HTR1E: variants seen among roughly 807,000 people sequenced by gnomAD.
HTR1E encodes the protein 5-HT-1E.
A neutral mutation model predicts 3.4 loss-of-function variants in HTR1E; 3 were observed. The observed-to-expected ratio is 0.89, with a 90% CI of 0.41 to 2.31. The LOEUF (loss-of-function observed/expected upper bound fraction) is 2.31. Among genes scored for constraint, HTR1E ranks in the 30% most tolerant of loss-of-function variants. HTR1E has a pLI of 0.05. For missense variants in HTR1E, 392 were observed against 467.0 expected, an observed-to-expected ratio of 0.84 and a Z score of 1.48; for synonymous variants, 170 against 182.8, an observed-to-expected ratio of 0.93 and a Z score of 0.56.
chr6:87,016,169 C>A lies in HTR1E; in HGVS notation c.835C>A (p.Gln279Lys). The change falls in exon 2 of 2, where the codon CAG becomes AAG. Residue 279 changes from glutamine (Q) to lysine (K), a missense_variant. Physicochemically the swap from Gln to Lys is moderately conservative, Grantham distance 53. Around this residue, in one of 3 missense-constraint regions of HTR1E, gnomAD observed 178 missense variants for 164.9 expected, o/e 1.08. Coordinates refer to ENST00000305344, the MANE Select transcript of HTR1E (RefSeq NM_000865.3). ...TGATCTAGATCACCCAGGAGAACGTCAGCAGATCTCTAGCACCAGGGAACG... is the reference window on the plus strand; with the variant it reads ...TGATCTAGATCACCCAGGAGAACGTAAGCAGATCTCTAGCACCAGGGAACG... ...DNDLDHPGER[Q>K]QISSTRERKA... 1 of 1,614,204 alleles carries A rather than the reference C, an allele frequency of 6.2e-7. No homozygotes were observed. Among genetic ancestry groups the A allele is most frequent in the South Asian group, 1.1e-5 (1 of 91,080 alleles).
At chr6:86,991,307 G>C (rs1767867331) in intron 1 of HTR1E, among the ~76,000 whole-genome samples, 1 of 152,042 alleles carries the variant, frequency 6.6e-6, no homozygotes, top group Admixed American at 6.6e-5. Context: ...AAAATCTGAA[G>C]TTTAGTTAAT....
chr6:86,967,617 G>A (rs150494436), intron 1 of HTR1E, among the ~76,000 whole-genome samples: 10 of 152,186 alleles, frequency 6.6e-5, no homozygotes, highest in Admixed American at 2.0e-4. Context: ...TTAAATATGC[G>A]AAAGAGAGGA....
At chr6:86,954,825 G>C (rs1767298835) in intron 1 of HTR1E, among the ~76,000 whole-genome samples, 1 of 152,146 alleles carries the variant, frequency 6.6e-6, no homozygotes, top group Admixed American at 6.5e-5. Flanking sequence ...TAGAAAGCTT[G>C]AAAGCAATAT....
chr6:86,963,359 T>C (rs571660303), intron 1 of HTR1E, among the ~76,000 whole-genome samples: 1 of 152,332 alleles, frequency 6.6e-6, no homozygotes, highest in African/African-American at 2.4e-5. Context: ...ATGTTGGTGT[T>C]TTTTTATCAA....
At chr6:86,971,045 A>C (rs960907839) in intron 1 of HTR1E, 5 of 509,268 alleles carry the variant, frequency 9.8e-6, no homozygotes, top group Non-Finnish European at 1.9e-5. Flanking sequence ...GTTGGAAAAC[A>C]CTTCAAAGAA....
chr6:86,997,062 A>G (rs1333856593), intron 1 of HTR1E, among the ~76,000 whole-genome samples: 1 of 152,022 alleles, frequency 6.6e-6, no homozygotes, highest in East Asian at 1.9e-4. Flanking sequence ...TGTATAATCC[A>G]CCAGATTAAC....
At chr6:86,993,218 C>T (rs1291781007) in intron 1 of HTR1E, among the ~76,000 whole-genome samples, 1 of 151,754 alleles carries the variant, frequency 6.6e-6, no homozygotes, top group Non-Finnish European at 1.5e-5. Context: ...ACTCTCTGTA[C>T]TATCTTTACA....
chr6:86,961,103 C>T (rs1767401602), intron 1 of HTR1E, among the ~76,000 whole-genome samples: 1 of 152,152 alleles, frequency 6.6e-6, no homozygotes, highest in Non-Finnish European at 1.5e-5. Flanking sequence ...CCATTATATG[C>T]TTTAGTATTT....
At position 86,993,461 on chromosome 6, in the gene HTR1E, T is replaced by C. The variant is rs944126439; in HGVS notation, c.-185-21689T>C. ...GCAGAATGAGAGGAAAAACGATGTTTGCTCTTCACAGAGCAAGTGAACTAT... is the reference window on the plus strand; with the variant it reads ...GCAGAATGAGAGGAAAAACGATGTTCGCTCTTCACAGAGCAAGTGAACTAT... On this transcript the variant is annotated intron_variant, in intron 1 of 1. Transcript: ENST00000305344. Among the ~76,000 whole-genome samples the C allele has an allele frequency of 2.6e-5, 4 of 152,006 alleles. No individual in the cohort carries two copies. In the South Asian group the frequency reaches 8.3e-4, roughly 31 times the overall value.
At chr6:87,004,742 G>A (rs990100599) in intron 1 of HTR1E, among the ~76,000 whole-genome samples, 3 of 152,078 alleles carry the variant, frequency 2.0e-5, no homozygotes, top group African/African-American at 7.2e-5. Flanking sequence ...GTCCTAGCTA[G>A]AGCAATCAGA....
intron 1 of HTR1E, among the ~76,000 whole-genome samples, chr6:86,992,404 T>A (rs1767881364): frequency 6.6e-6 from 1 of 152,142 alleles, no homozygotes; most frequent in South Asian, 2.1e-4. Context: ...TAAAAACAGT[T>A]TTTCAATTCA....
At chr6:86,980,651 A>G (rs1261442188) in intron 1 of HTR1E, among the ~76,000 whole-genome samples, 2 of 152,198 alleles carry the variant, frequency 1.3e-5, no homozygotes, top group Non-Finnish European at 2.9e-5. Context: ...ACGGATATAA[A>G]CAAATACTTA....
At chr6:87,000,618 A>G (rs1010739330) in intron 1 of HTR1E, among the ~76,000 whole-genome samples, 4 of 152,344 alleles carry the variant, frequency 2.6e-5, no homozygotes, top group African/African-American at 7.2e-5. Context: ...CTGAAAGAAA[A>G]TAACTTTTAT....
chr6:86,971,601 CAA>C (rs199973199), intron 1 of HTR1E, among the ~76,000 whole-genome samples: 36 of 104,310 alleles, frequency 3.5e-4, no homozygotes, highest in Admixed American at 6.6e-4. Context: ...CCTCCAGTGG[CAA>C]AAAAAAAAAA....
At chr6:86,998,110 T>C (rs530807749) in intron 1 of HTR1E, among the ~76,000 whole-genome samples, 72 of 152,056 alleles carry the variant, frequency 4.7e-4, no homozygotes, top group African/African-American at 1.6e-3. Context: ...TTGACAGAAC[T>C]AAAGGGAGAA....
intron 1 of HTR1E, among the ~76,000 whole-genome samples, chr6:87,011,519 T>C (rs551437887): frequency 6.6e-6 from 1 of 152,332 alleles, no homozygotes; most frequent in Admixed American, 6.5e-5. Context: ...GGTTGAGACG[T>C]TATATAATAT....
chr6:86,941,650 G>A (rs1264961582), intron 1 of HTR1E, among the ~76,000 whole-genome samples: 1 of 152,208 alleles, frequency 6.6e-6, no homozygotes, highest in Non-Finnish European at 1.5e-5. Flanking sequence ...AGAGGAATGA[G>A]CATCTCTGGA....
intron 1 of HTR1E, among the ~76,000 whole-genome samples, chr6:86,979,439 G>A (rs1219946257): frequency 3.9e-5 from 6 of 152,152 alleles, no homozygotes; most frequent in Non-Finnish European, 5.9e-5. Flanking sequence ...AGAAATTACC[G>A]TGAAAGAGGA....
chr6:86,939,648 A>T lies in HTR1E; in HGVS notation c.-186+1825A>T, dbSNP rs550247520. ...ATTTCCAGGGATGAAAACTTAGCAG[A>T]TTATTTTTATAATGAAGAGTATTCA... On this transcript the variant is annotated intron_variant, in intron 1 of 1. Transcript: ENST00000305344. Among the ~76,000 whole-genome samples, 7 of 152,318 alleles carry T rather than the reference A, an allele frequency of 4.6e-5. No individual in the cohort carries two copies. In the East Asian group the frequency reaches 1.3e-3, roughly 29 times the overall value.
Sources: gnomAD v4.1 joint callset for allele counts (sites outside exome capture counted in the v4.1 genomes callset) on GRCh38, gnomAD v4.1.1 for gene constraint, gnomAD v4.1.1 regional missense constraint, MANE v1.5 for transcripts, NCBI Gene and HGNC (gene_info 2026-07-23, HGNC 2026-07-21) for gene names.